Variants in MED13 observed in about 807,000 individuals in gnomAD.
MED13 encodes mediator of RNA polymerase II transcription subunit 13.
Under a neutral mutation model 225.2 loss-of-function variants are expected in MED13, and 23 were observed. That is an observed-to-expected ratio of 0.10 (90% CI 0.07 to 0.14). The LOEUF is 0.14. MED13 is among the 10% of genes least tolerant of loss of function. The probability of loss-of-function intolerance (pLI) is 1.00; values close to 1 mark genes in which losing one functional copy is unlikely to be tolerated. For synonymous variants in MED13, 942 were observed against 889.2 expected, an observed-to-expected ratio of 1.06 and a Z score of -1.06; for missense variants, 2,197 against 2,594.5, an observed-to-expected ratio of 0.85 and a Z score of 3.33.
At chr17:62,018,931 T>C (rs1330468259) in intron 8 of MED13, among the ~76,000 whole-genome samples, 1 of 152,092 alleles carries the variant, frequency 6.6e-6, no homozygotes, top group Admixed American at 6.6e-5. Context: ...AAATGACCAA[T>C]GCATGATGTT....
chr17:61,973,932 G>A (rs995726692), intron 16 of MED13, among the ~76,000 whole-genome samples: 1 of 152,008 alleles, frequency 6.6e-6, no homozygotes, highest in Non-Finnish European at 1.5e-5. Flanking sequence ...GCAGTGAGCC[G>A]AGATCATGGC....
intron 3 of MED13, among the ~76,000 whole-genome samples, chr17:62,040,787 A>C (rs2080846276): frequency 6.6e-6 from 1 of 152,228 alleles, no homozygotes; most frequent in Non-Finnish European, 1.5e-5. Flanking sequence ...TAACATGCTC[A>C]ACACATCACT....
intron 19 of MED13, among the ~76,000 whole-genome samples, chr17:61,966,255 G>C (rs533993321): frequency 6.6e-6 from 1 of 152,282 alleles, no homozygotes; most frequent in Non-Finnish European, 1.5e-5. Flanking sequence ...GTTCTGTAAA[G>C]GGTCAGATAA....
chr17:62,046,594 C>T (rs1444829082), intron 3 of MED13, among the ~76,000 whole-genome samples: 1 of 152,186 alleles, frequency 6.6e-6, no homozygotes, highest in Non-Finnish European at 1.5e-5. Context: ...AATCCTAGCA[C>T]TTTGCGAGGC....
chr17:62,040,793 T>C (rs762848788), intron 3 of MED13, among the ~76,000 whole-genome samples: 1 of 151,974 alleles, frequency 6.6e-6, no homozygotes, highest in Non-Finnish European at 1.5e-5. Context: ...GCTCAACACA[T>C]CACTAATCAT....
chr17:62,059,538 A>AT (rs2081021622), intron 2 of MED13, among the ~76,000 whole-genome samples: 1 of 152,224 alleles, frequency 6.6e-6, no homozygotes, highest in Non-Finnish European at 1.5e-5. Context: ...CCGGTACCCC[A>AT]TTCCTCAGTG....
In MED13 at chr17:62,003,599, C is replaced by CAAAAAAAAAAAAAAA. The variant is rs34451831; in HGVS notation, c.1967+6936_1967+6950dup. The CAAAAAAAAAAAAAAA allele has an allele frequency of 3.4e-3, 175 of 51,730 alleles. 3 individuals carry two copies. Among genetic ancestry groups the CAAAAAAAAAAAAAAA allele is most frequent in the East Asian group, 0.012 (14 of 1,194 alleles). The allele number at this position is 51,730 out of a possible 1,614,324, so 3.2% of individuals were successfully genotyped here. On this transcript the variant is annotated intron_variant, in intron 9 of 29. Transcript: ENST00000397786. ...CAGCCTGAGCAACAACAGCAAAACT[C>CAAAAAAAAAAAAAAA]AAAAAAAAAAAAAAAAAAAAAAGCA...
At chr17:61,964,202 T>G (rs945334152) in intron 20 of MED13, among the ~76,000 whole-genome samples, 15 of 152,212 alleles carry the variant, frequency 9.9e-5, no homozygotes, top group African/African-American at 3.6e-4. Flanking sequence ...TTTCAAGCTC[T>G]TAATTCCCAC....
chr17:62,049,223 G>A (rs1232650287), intron 3 of MED13, among the ~76,000 whole-genome samples: 1 of 152,030 alleles, frequency 6.6e-6, no homozygotes, highest in African/African-American at 2.4e-5. Flanking sequence ...GGTAACAACA[G>A]GGATATTAAT....
intron 10 of MED13, among the ~76,000 whole-genome samples, chr17:61,993,355 C>T (rs538904697): frequency 2.4e-4 from 37 of 151,656 alleles, no homozygotes; most frequent in Non-Finnish European, 4.4e-4. Context: ...GCATGCACCA[C>T]CACACCTGGC....
chr17:61,979,047 G>A (rs1379780183), intron 16 of MED13, among the ~76,000 whole-genome samples: 1 of 152,136 alleles, frequency 6.6e-6, no homozygotes, highest in Non-Finnish European at 1.5e-5. Context: ...GAAATTTCAA[G>A]AATTAACCAA....
intron 21 of MED13, among the ~76,000 whole-genome samples, chr17:61,962,129 C>T (rs2080006285): frequency 1.3e-5 from 2 of 151,868 alleles, no homozygotes; most frequent in South Asian, 4.1e-4. Context: ...CTACTAAAAA[C>T]ACAAAAATGA....
At chr17:62,054,919 G>A (rs1179867373) in intron 2 of MED13, among the ~76,000 whole-genome samples, 1 of 152,138 alleles carries the variant, frequency 6.6e-6, no homozygotes, top group African/African-American at 2.4e-5. Flanking sequence ...AAGTTTTAAA[G>A]CATCAAAGAC....
rs1257193460 is a variant in MED13, at chr17:61,983,233, C to T, written c.2889-119G>A. 6 of 778,956 alleles carry T rather than the reference C, an allele frequency of 7.7e-6. No homozygotes were observed. The East Asian group carries it at 1.4e-4, about 18-fold the overall frequency. The allele number at this position is 778,956 out of a possible 1,614,324, so 48.3% of individuals were successfully genotyped here. On this transcript the variant is annotated intron_variant, in intron 15 of 29. Coordinates refer to ENST00000397786, the MANE Select transcript of MED13 (RefSeq NM_005121.3). ...AATTACATAGAAAATTATGAAAGGA[C>T]AAGTATTGCAAGAATTACAAGCACA...
At chr17:61,977,157 A>G (rs1192730701) in intron 16 of MED13, among the ~76,000 whole-genome samples, 1 of 152,230 alleles carries the variant, frequency 6.6e-6, no homozygotes, top group Non-Finnish European at 1.5e-5. Flanking sequence ...CAAAGAGTGT[A>G]CTTAATGGGG....
intron 3 of MED13, among the ~76,000 whole-genome samples, chr17:62,040,619 G>A (rs2080844924): frequency 6.6e-6 from 1 of 152,064 alleles, no homozygotes; most frequent in African/African-American, 2.4e-5. Flanking sequence ...GAGAATCCGA[G>A]GCACAAAGAG....
intron 23 of MED13, among the ~76,000 whole-genome samples, chr17:61,958,770 G>C (rs1459620646): frequency 6.6e-6 from 1 of 152,144 alleles, no homozygotes; most frequent in Non-Finnish European, 1.5e-5. Context: ...ACCGTGCCCA[G>C]CCAACAGTGG....
intron 20 of MED13, among the ~76,000 whole-genome samples, chr17:61,963,220 A>G (rs2080020777): frequency 1.4e-5 from 2 of 144,452 alleles, no homozygotes. Flanking sequence ...AAAAAAAAAA[A>G]AAAAAAAAAA....
In MED13 at chr17:62,028,587, C is replaced by A. The variant is rs965111461; in HGVS notation, c.1283+954G>T. Among the ~76,000 whole-genome samples, 15 of 151,718 alleles carry A rather than the reference C, an allele frequency of 9.9e-5. 1 individual carries two copies. The East Asian group carries it at 2.9e-3, about 29-fold the overall frequency. On this transcript the variant is annotated intron_variant, in intron 8 of 29. Coordinates refer to ENST00000397786, the MANE Select transcript of MED13 (RefSeq NM_005121.3). ...AGAAATGAAATTACTCTTCAAAACCCAACACTGTATTTACTATTAAAAAAA... is the reference window on the plus strand; with the variant it reads ...AGAAATGAAATTACTCTTCAAAACCAAACACTGTATTTACTATTAAAAAAA...
Sources: gnomAD v4.1 joint callset for allele counts (sites outside exome capture counted in the v4.1 genomes callset) on GRCh38, gnomAD v4.1.1 for gene constraint, MANE v1.5 for transcripts, NCBI Gene and HGNC (gene_info 2026-07-23, HGNC 2026-07-21) for gene names.